The following PITPNC1 variants were observed in gnomAD, a reference collection of about 807,000 sequenced individuals.
PITPNC1 encodes the protein phosphatidylinositol transfer protein cytoplasmic 1, also known as cytoplasmic phosphatidylinositol transfer protein 1.
A neutral mutation model predicts 44.7 loss-of-function variants in PITPNC1; 18 were observed. The ratio of observed to expected loss-of-function variants is 0.40; its 90% CI spans 0.28 to 0.60. The LOEUF is 0.60. Among genes scored for constraint, PITPNC1 ranks in the 20% least tolerant of loss-of-function variants. The pLI is 0.39. For missense variants in PITPNC1, 290 were observed against 418.4 expected (o/e 0.69, Z 2.68); for synonymous variants, 141 against 149.6 (o/e 0.94, Z 0.42).
chr17:67,492,413 G>T (rs1342539688), intron 1 of PITPNC1, among the ~76,000 whole-genome samples: 1 of 152,172 alleles, frequency 6.6e-6, no homozygotes, highest in African/African-American at 2.4e-5. Context: ...CACTGGAGCT[G>T]CAAGGAACAG....
At chr17:67,647,463 GGTTTTT>G (rs2042161788) in intron 6 of PITPNC1, among the ~76,000 whole-genome samples, 2 of 90,598 alleles carry the variant, frequency 2.2e-5, no homozygotes, top group East Asian at 2.8e-4. Flanking sequence ...GCTAATTTTG[GGTTTTT>G]TTTTTTTTTT....
At chr17:67,675,098 C>T (rs1381971955) in intron 7 of PITPNC1, among the ~76,000 whole-genome samples, 1 of 151,734 alleles carries the variant, frequency 6.6e-6, no homozygotes, top group Non-Finnish European at 1.5e-5. Context: ...GTGAGACACA[C>T]CCTCCCACAG....
intron 1 of PITPNC1, among the ~76,000 whole-genome samples, chr17:67,497,415 C>T (rs190285974): frequency 6.7e-6 from 1 of 149,098 alleles, no homozygotes; most frequent in East Asian, 2.0e-4. Context: ...AGCAGTAGCT[C>T]ATTAAATTGA....
intron 1 of PITPNC1, among the ~76,000 whole-genome samples, chr17:67,429,968 A>T (rs1249480390): frequency 1.3e-5 from 2 of 152,192 alleles, no homozygotes; most frequent in Non-Finnish European, 2.9e-5. Context: ...AGCATTTAGG[A>T]ATCATTTAGG....
intron 2 of PITPNC1, among the ~76,000 whole-genome samples, chr17:67,539,281 T>C (rs2040571423): frequency 1.3e-5 from 2 of 152,168 alleles, no homozygotes; most frequent in South Asian, 2.1e-4. Flanking sequence ...TGAAAACATA[T>C]ATACATTCCA....
At chr17:67,523,807 G>GTT (rs11439767) in intron 1 of PITPNC1, among the ~76,000 whole-genome samples, 6 of 125,872 alleles carry the variant, frequency 4.8e-5, no homozygotes, top group Non-Finnish European at 6.3e-5. Flanking sequence ...CATGGAAACC[G>GTT]TTTTTTTTTT....
intron 1 of PITPNC1, among the ~76,000 whole-genome samples, chr17:67,506,751 C>G (rs2040108151): frequency 6.6e-6 from 1 of 151,934 alleles, no homozygotes. Context: ...TTTTATGCAA[C>G]CATTGATAAT....
At chr17:67,603,040 C>T (rs2041562293) in intron 5 of PITPNC1, among the ~76,000 whole-genome samples, 1 of 152,036 alleles carries the variant, frequency 6.6e-6, no homozygotes, top group Admixed American at 6.6e-5. Flanking sequence ...CACACCAGGC[C>T]CCTGGGTCAC....
At chr17:67,382,863 C>T (rs1285872115) in intron 1 of PITPNC1, among the ~76,000 whole-genome samples, 4 of 147,988 alleles carry the variant, frequency 2.7e-5, no homozygotes, top group Non-Finnish European at 6.0e-5. Flanking sequence ...TGACCTCAGG[C>T]GATCCGCCCA....
rs541970210 is a variant in PITPNC1 at position 67,609,510 on chromosome 17, G to A, written c.367-22633G>A. ...TCACCATGTTGGCCAGGCTGGTCTC[G>A]AACTCATGACCTCAGGTAATCCGCC... On this transcript the variant is annotated intron_variant, in intron 5 of 8. Transcript: ENST00000581322. Among the ~76,000 whole-genome samples the A allele has an allele frequency of 5.9e-5, 9 of 151,982 alleles. No homozygotes were observed. In the East Asian group the frequency reaches 1.5e-3, roughly 26 times the overall value.
chr17:67,601,814 G>A (rs903365728), intron 5 of PITPNC1, among the ~76,000 whole-genome samples: 22 of 152,006 alleles, frequency 1.4e-4, no homozygotes, highest in Non-Finnish European at 2.9e-4. Context: ...AAGCCAGAAA[G>A]TGAATGGTCT....
In PITPNC1 at chr17:67,676,788, A is replaced by G. The variant is rs900107526; in HGVS notation, c.682+1246A>G. On this transcript the variant is annotated intron_variant, in intron 8 of 8. Coordinates refer to ENST00000581322, the MANE Select transcript of PITPNC1 (RefSeq NM_012417.4). The surrounding 1 kb of genome is among the most constrained non-coding windows in gnomAD (Gnocchi z 4.0). Reference sequence around the variant, plus strand: ...TGTTAGCTATTTCTGAGCCACATTTAAAAGGCATGGTTCTATAAGCTATGG... The same window carrying G: ...TGTTAGCTATTTCTGAGCCACATTTGAAAGGCATGGTTCTATAAGCTATGG... 6.6e-6 allele frequency among the ~76,000 whole-genome samples: 1 copy of G among 152,144 alleles called. No homozygotes were observed.
intron 1 of PITPNC1, among the ~76,000 whole-genome samples, chr17:67,518,650 A>G (rs2040287501): frequency 1.3e-5 from 2 of 152,180 alleles, no homozygotes; most frequent in Admixed American, 1.3e-4. Context: ...CAAAAAAACA[A>G]ACAAACAAAC....
At chr17:67,647,540 G>T (rs2042166641) in intron 6 of PITPNC1, among the ~76,000 whole-genome samples, 1 of 131,316 alleles carries the variant, frequency 7.6e-6, no homozygotes, top group Non-Finnish European at 1.5e-5. Flanking sequence ...CTGGTCTCGA[G>T]CTCCTCAGCT....
intron 1 of PITPNC1, among the ~76,000 whole-genome samples, chr17:67,507,817 G>A (rs912687484): frequency 2.0e-5 from 3 of 151,868 alleles, no homozygotes; most frequent in Non-Finnish European, 2.9e-5. Context: ...TGTCCTTCCT[G>A]GGTTTTTCTT....
rs778971773 is a variant in PITPNC1 at position 67,675,501 on chromosome 17, T to G, written c.641T>G (p.Ile214Ser). The G allele has an allele frequency of 6.2e-7, 1 of 1,611,296 alleles. No individual in the cohort carries two copies. Among genetic ancestry groups the G allele is most frequent in the Non-Finnish European group, 8.5e-7 (1 of 1,177,410 alleles). The change falls in exon 8 of 9, where the codon ATT becomes AGT. Residue 214 changes from isoleucine to serine, a missense_variant. Physicochemically the swap from Ile to Ser is moderately radical, Grantham distance 142. Coordinates refer to ENST00000581322, the MANE Select transcript of PITPNC1 (RefSeq NM_012417.4). ...VHKVVRDILL[I>S]GHRQAFAWVD... Reference sequence around the variant, plus strand: ...TAGGTGGTCCGAGACATTCTGCTGATTGGACATAGACAGGCTTTTGCATGG... The same window carrying G: ...TAGGTGGTCCGAGACATTCTGCTGAGTGGACATAGACAGGCTTTTGCATGG...
intron 1 of PITPNC1, among the ~76,000 whole-genome samples, chr17:67,410,589 T>C (rs546348926): frequency 9.9e-5 from 15 of 152,090 alleles, no homozygotes; most frequent in Non-Finnish European, 1.6e-4. Flanking sequence ...TCTCGCTATG[T>C]TGCCCAGGCT....
chr17:67,560,690 GT>G (rs1251554121), intron 4 of PITPNC1, among the ~76,000 whole-genome samples: 2 of 152,208 alleles, frequency 1.3e-5, no homozygotes, highest in African/African-American at 4.8e-5. Context: ...GGAACAGCCA[GT>G]TTTGTTTGTT....
intron 1 of PITPNC1, among the ~76,000 whole-genome samples, chr17:67,402,463 C>G (rs1357495357): frequency 2.0e-5 from 3 of 152,152 alleles, no homozygotes; most frequent in Non-Finnish European, 4.4e-5. Context: ...CTGCTTCTGA[C>G]AAGGTGGTCA....
Sources: gnomAD v4.1 joint callset for allele counts (sites outside exome capture counted in the v4.1 genomes callset) on GRCh38, gnomAD v4.1.1 for gene constraint, Gnocchi (gnomAD v3.1) non-coding constraint, MANE v1.5 for transcripts, NCBI Gene and HGNC (gene_info 2026-07-23, HGNC 2026-07-21) for gene names.